SLC35F2: variants seen among roughly 807,000 people sequenced by gnomAD.
SLC35F2 encodes queuine/queuosine transporter SLC35F2.
SLC35F2 carries 25 observed loss-of-function variants against 38.1 expected under a neutral mutation model. That is an observed-to-expected ratio of 0.66 (90% CI 0.48 to 0.92). The LOEUF (loss-of-function observed/expected upper bound fraction) is 0.92. Ranked by LOEUF, SLC35F2 falls within the 40% of genes least tolerant of loss-of-function variation. SLC35F2 has a pLI of 0.00. For synonymous variants in SLC35F2, 173 were observed against 181.7 expected, an observed-to-expected ratio of 0.95 and a Z score of 0.38; for missense variants, 409 against 452.9, an observed-to-expected ratio of 0.90 and a Z score of 0.88.
chr11:107,816,427 C>A, intron 1 of SLC35F2: 1 of 230,750 alleles, frequency 4.3e-6, no homozygotes, highest in Non-Finnish European at 7.1e-6. Context: ...ACTATAGGCA[C>A]ATGCCACCAT....
intron 1 of SLC35F2, among the ~76,000 whole-genome samples, chr11:107,836,091 A>T (rs1859925321): frequency 6.6e-6 from 1 of 152,230 alleles, no homozygotes; most frequent in Non-Finnish European, 1.5e-5. Flanking sequence ...GTATTTTTCT[A>T]ATCTGTGGTA....
intron 1 of SLC35F2, chr11:107,821,571 C>A (rs1377400161): frequency 3.0e-6 from 3 of 985,304 alleles, no homozygotes; most frequent in Non-Finnish European, 3.6e-6. Context: ...GCTCCACTTT[C>A]ATGTTTGTAT....
chr11:107,809,829 C>T (rs1859455203), intron 3 of SLC35F2: 1 of 985,078 alleles, frequency 1.0e-6, no homozygotes, highest in Admixed American at 6.2e-5. Context: ...ATTGAATTAA[C>T]CTTTGACAAT....
intron 1 of SLC35F2, among the ~76,000 whole-genome samples, chr11:107,833,326 C>T (rs975515249): frequency 6.6e-6 from 1 of 151,872 alleles, no homozygotes; most frequent in African/African-American, 2.4e-5. Context: ...TCAAGACCAT[C>T]CTGGCCAACA....
At chr11:107,793,130 T>C (rs1321330992) in intron 7 of SLC35F2, among the ~76,000 whole-genome samples, 2 of 152,300 alleles carry the variant, frequency 1.3e-5, no homozygotes, top group East Asian at 3.9e-4. Context: ...TTGCCCAGGA[T>C]GGTCTCGAAC....
chr11:107,831,762 A>G (rs1278458391), intron 1 of SLC35F2, among the ~76,000 whole-genome samples: 1 of 152,246 alleles, frequency 6.6e-6, no homozygotes, highest in African/African-American at 2.4e-5. Flanking sequence ...TTGAACAGCA[A>G]GAGCTACTTT....
chr11:107,796,639 G>A (rs959705922), intron 7 of SLC35F2, among the ~76,000 whole-genome samples: 2 of 152,010 alleles, frequency 1.3e-5, no homozygotes, highest in Admixed American at 6.6e-5. Flanking sequence ...GTGTGGATTG[G>A]GGGTGGGAGA....
intron 1 of SLC35F2, among the ~76,000 whole-genome samples, chr11:107,850,062 T>C (rs192575402): frequency 3.8e-4 from 58 of 152,296 alleles, no homozygotes; most frequent in African/African-American, 1.3e-3. Context: ...GCCTCCTCCT[T>C]CTTTCAGAGC....
chr11:107,801,600 A>T (rs961052437), intron 7 of SLC35F2, among the ~76,000 whole-genome samples: 2 of 149,430 alleles, frequency 1.3e-5, no homozygotes, highest in Non-Finnish European at 3.0e-5. Flanking sequence ...TTAAAATTTT[A>T]AAAAGAGTGA....
In SLC35F2 at chr11:107,842,257, C is replaced by CAAAAAAAAAAAAA. The variant is rs541185009; in HGVS notation, c.110+16388_110+16400dup. Among the ~76,000 whole-genome samples the CAAAAAAAAAAAAA allele has an allele frequency of 4.9e-3, 187 of 37,900 alleles. 46 individuals carry two copies. The highest frequency in any genetic ancestry group is 0.042 in the Middle Eastern group (1 of 24). 24.9% of individuals were successfully genotyped at this position (37,900 alleles called of 152,430 possible). A position where few individuals can be genotyped will look rare whatever the true frequency, so the allele number is the denominator to read the frequency against. On this transcript the variant is annotated intron_variant, in intron 1 of 7. Transcript: ENST00000525815. ...GGCGACAGAGTGAGACTCCGTCTCA[C>CAAAAAAAAAAAAA]AAAAAAAAAAAAAAAAAAAAAAAAA...
intron 1 of SLC35F2, among the ~76,000 whole-genome samples, chr11:107,846,926 T>C (rs968571179): frequency 2.9e-5 from 2 of 68,706 alleles, no homozygotes; most frequent in Non-Finnish European, 6.6e-5. Context: ...CGAGACTCTG[T>C]CTCAAAAAAA....
intron 7 of SLC35F2, among the ~76,000 whole-genome samples, chr11:107,802,242 A>AAAAAAAAAAAAAAAAAAAAT (rs559048077): frequency 1.4e-5 from 2 of 147,890 alleles, no homozygotes; most frequent in African/African-American, 2.6e-5. Flanking sequence ...CATCTCAAAA[A>AAAAAAAAAAAAAAAAAAAAT]AAATAAATAA....
At chr11:107,799,730 T>G (rs1278899317) in intron 7 of SLC35F2, among the ~76,000 whole-genome samples, 1 of 151,804 alleles carries the variant, frequency 6.6e-6, no homozygotes, top group Non-Finnish European at 1.5e-5. Context: ...ACGCCACCAC[T>G]CCAAGCTAAT....
chr11:107,831,805 T>G, intron 1 of SLC35F2, among the ~76,000 whole-genome samples: 1 of 152,144 alleles, frequency 6.6e-6, no homozygotes, highest in East Asian at 1.9e-4. Flanking sequence ...AATGAACTGA[T>G]CATGATGTTC....
At position 107,847,946 on chromosome 11, in the gene SLC35F2, CT is replaced by C. The variant is rs145926162; in HGVS notation, c.110+10711del. ...CCTACCTCATGTCGAGAAGACTGAA[CT>C]CTCACAAAATGACAAGTGCCAAATG... On this transcript the variant is annotated intron_variant, in intron 1 of 7. Coordinates refer to ENST00000525815, the MANE Select transcript of SLC35F2 (RefSeq NM_017515.5). Among the ~76,000 whole-genome samples the C allele has an allele frequency of 5.1e-3, 778 of 152,284 alleles. 8 individuals carry two copies. Among genetic ancestry groups the C allele is most frequent in the African/African-American group, 0.017 (725 of 41,558 alleles).
intron 1 of SLC35F2, among the ~76,000 whole-genome samples, chr11:107,825,581 G>A (rs1005809191): frequency 6.6e-6 from 1 of 151,940 alleles, no homozygotes; most frequent in Non-Finnish European, 1.5e-5. Context: ...ATGTTGGTCA[G>A]GCTGGTCTCA....
At chr11:107,794,346 T>TGGGATTAC (rs1174693828) in intron 7 of SLC35F2, among the ~76,000 whole-genome samples, 3 of 152,194 alleles carry the variant, frequency 2.0e-5, no homozygotes, top group Non-Finnish European at 4.4e-5. Flanking sequence ...CCCAAAGTGC[T>TGGGATTAC]GGGATTACAG....
At chr11:107,818,980 T>TA (rs1859627894) in intron 1 of SLC35F2, among the ~76,000 whole-genome samples, 2 of 152,014 alleles carry the variant, frequency 1.3e-5, no homozygotes, top group African/African-American at 4.8e-5. Flanking sequence ...GTCTCTATTT[T>TA]AAAAAAGTGG....
intron 3 of SLC35F2, chr11:107,810,911 G>A (rs1355946993): frequency 1.0e-6 from 1 of 979,838 alleles, no homozygotes; most frequent in African/African-American, 1.8e-5. Context: ...ATATCAAAAA[G>A]TTATAAACTT....
Sources: allele counts gnomAD v4.1 joint callset (sites outside exome capture counted in the v4.1 genomes callset), GRCh38; gene constraint gnomAD v4.1.1; transcripts MANE v1.5; gene names NCBI Gene and HGNC (gene_info 2026-07-23, HGNC 2026-07-21).